ZSWIM6: variants seen among roughly 807,000 people sequenced by gnomAD.
ZSWIM6 encodes zinc finger SWIM domain-containing protein 6.
In ZSWIM6, 9 loss-of-function variants were observed where a neutral mutation model predicts 113.2. That is an observed-to-expected ratio of 0.08 (90% CI 0.05 to 0.14). The LOEUF (loss-of-function observed/expected upper bound fraction) is 0.14. Ranked by LOEUF, ZSWIM6 falls within the 10% of genes least tolerant of loss-of-function variation. ZSWIM6 has a pLI of 1.00. For missense variants in ZSWIM6, 1,162 were observed against 1,552.2 expected (o/e 0.75, Z 4.22); for synonymous variants, 611 against 606.5 (o/e 1.01, Z -0.11).
At chr5:61,515,172 T>C (rs1293920264) in intron 4 of ZSWIM6, among the ~76,000 whole-genome samples, 1 of 152,156 alleles carries the variant, frequency 6.6e-6, no homozygotes, top group African/African-American at 2.4e-5. Flanking sequence ...CTTAGGATCC[T>C]TTTAGTATCT....
In ZSWIM6 at chr5:61,454,214, A is replaced by AATTTTATTTTATTTTATTTT. The variant is rs140502029; in HGVS notation, c.677-18426_677-18407dup. ...TCTTTCAGATTGGGAGAGTTCCCTAAATTTTATTTTATTTTATTTTATTTT... is the reference window on the plus strand; with the variant it reads ...TCTTTCAGATTGGGAGAGTTCCCTAAATTTTATTTTATTTTATTTTATTTTATTTTATTTTATTTTATTTT... On this transcript the variant is annotated intron_variant, in intron 1 of 13. Transcript: ENST00000252744. Among the ~76,000 whole-genome samples the AATTTTATTTTATTTTATTTT allele has an allele frequency of 4.6e-3, 585 of 128,492 alleles. 12 individuals are homozygous for AATTTTATTTTATTTTATTTT. The highest frequency in any genetic ancestry group is 0.029 in the East Asian group (123 of 4,238). 84.3% of individuals were successfully genotyped at this position (128,492 alleles called of 152,430 possible).
chr5:61,417,705 CT>C (rs1561229369), intron 1 of ZSWIM6, among the ~76,000 whole-genome samples: 1 of 152,194 alleles, frequency 6.6e-6, no homozygotes, highest in Non-Finnish European at 1.5e-5. Flanking sequence ...CAGTTAAGGA[CT>C]TTTGTTTTGA....
intron 1 of ZSWIM6, among the ~76,000 whole-genome samples, chr5:61,388,324 A>G (rs1022665123): frequency 6.6e-5 from 10 of 152,256 alleles, no homozygotes; most frequent in East Asian, 1.9e-4. Context: ...GTAAAAGTCT[A>G]TACTCTAGAA....
At chr5:61,339,213 C>T (rs1031118539) in intron 1 of ZSWIM6, among the ~76,000 whole-genome samples, 22 of 152,138 alleles carry the variant, frequency 1.4e-4, no homozygotes, top group Admixed American at 1.4e-3. Flanking sequence ...ATGAGACCAG[C>T]CTGGGCAACA....
chr5:61,526,633 G>T (rs1311389469), intron 7 of ZSWIM6, among the ~76,000 whole-genome samples: 1 of 152,018 alleles, frequency 6.6e-6, no homozygotes, highest in Non-Finnish European at 1.5e-5. Context: ...TTTTAAGGGG[G>T]ATAATTTTCT....
intron 4 of ZSWIM6, among the ~76,000 whole-genome samples, chr5:61,512,585 G>A (rs1372657698): frequency 6.6e-6 from 1 of 152,126 alleles, no homozygotes; most frequent in East Asian, 1.9e-4. Context: ...TCTTCAAACA[G>A]CAATTTATGA....
chr5:61,437,954 G>T (rs1433957172), intron 1 of ZSWIM6, among the ~76,000 whole-genome samples: 1 of 151,672 alleles, frequency 6.6e-6, no homozygotes, highest in African/African-American at 2.4e-5. Flanking sequence ...TATCACTTAG[G>T]TTTGATTAGT....
intron 1 of ZSWIM6, among the ~76,000 whole-genome samples, chr5:61,409,094 TCCCG>T (rs1561226193): frequency 4.4e-3 from 507 of 115,074 alleles, no homozygotes; most frequent in African/African-American, 7.9e-3. Flanking sequence ...TTTTTTTTTT[TCCCG>T]TTTTTGAAAT....
At chr5:61,504,621 C>A (rs563277533) in intron 4 of ZSWIM6, among the ~76,000 whole-genome samples, 4 of 152,276 alleles carry the variant, frequency 2.6e-5, no homozygotes, top group Admixed American at 2.0e-4. Flanking sequence ...AGAATTCTTA[C>A]ACAAGTATAG....
chr5:61,483,811 A>G (rs1747943537), intron 2 of ZSWIM6, among the ~76,000 whole-genome samples: 1 of 151,640 alleles, frequency 6.6e-6, no homozygotes, highest in Non-Finnish European at 1.5e-5. Context: ...CAGGAGGCAG[A>G]GCTTGCAGTG....
intron 1 of ZSWIM6, among the ~76,000 whole-genome samples, chr5:61,408,451 C>A (rs1452414551): frequency 6.6e-6 from 1 of 152,270 alleles, no homozygotes; most frequent in South Asian, 2.1e-4. Context: ...GTTTTAATTT[C>A]TTTGCTTGAA....
intron 7 of ZSWIM6, among the ~76,000 whole-genome samples, chr5:61,529,449 T>C (rs1749373456): frequency 6.6e-6 from 1 of 152,222 alleles, no homozygotes; most frequent in Non-Finnish European, 1.5e-5. Flanking sequence ...TTAAATGGCT[T>C]ACAGATTCAC....
At chr5:61,506,946 G>A (rs1301976131) in intron 4 of ZSWIM6, among the ~76,000 whole-genome samples, 2 of 152,142 alleles carry the variant, frequency 1.3e-5, no homozygotes, top group African/African-American at 4.8e-5. Flanking sequence ...ACTTCATAAT[G>A]ATAAACATAA....
intron 1 of ZSWIM6, among the ~76,000 whole-genome samples, chr5:61,333,257 G>A (rs1046802779): frequency 6.6e-5 from 10 of 151,940 alleles, no homozygotes; most frequent in Non-Finnish European, 1.2e-4. Context: ...ATCCTGGAGG[G>A]CTGTTCGCCG....
intron 1 of ZSWIM6, among the ~76,000 whole-genome samples, chr5:61,455,289 G>C (rs1747180900): frequency 6.6e-6 from 1 of 151,974 alleles, no homozygotes; most frequent in African/African-American, 2.4e-5. Context: ...ACTTGAAAAA[G>C]TCCATTCATT....
At chr5:61,383,525 A>G (rs1579966357) in intron 1 of ZSWIM6, among the ~76,000 whole-genome samples, 1 of 152,206 alleles carries the variant, frequency 6.6e-6, no homozygotes, top group Non-Finnish European at 1.5e-5. Flanking sequence ...GTACCTACTG[A>G]TGTAGAAGAA....
At chr5:61,479,360 A>C (rs2112195979) in intron 2 of ZSWIM6, among the ~76,000 whole-genome samples, 2 of 152,178 alleles carry the variant, frequency 1.3e-5, no homozygotes, top group Admixed American at 1.3e-4. Context: ...CCCATGAGGA[A>C]TTTGTTGGGG....
At chr5:61,346,540 T>G (rs1384463521) in intron 1 of ZSWIM6, among the ~76,000 whole-genome samples, 3 of 152,214 alleles carry the variant, frequency 2.0e-5, no homozygotes, top group Non-Finnish European at 1.5e-5. Flanking sequence ...TGTTAGTGGG[T>G]AAGAGACTAC....
chr5:61,375,225 G>A (rs1483719833), intron 1 of ZSWIM6: 146 of 1,612,976 alleles, frequency 9.1e-5, no homozygotes, highest in Non-Finnish European at 1.2e-4. Context: ...ATCGACCAAG[G>A]CCTACCTGGG....
Sources: gnomAD v4.1 joint callset for allele counts (sites outside exome capture counted in the v4.1 genomes callset) on GRCh38, gnomAD v4.1.1 for gene constraint, MANE v1.5 for transcripts, NCBI Gene and HGNC (gene_info 2026-07-23, HGNC 2026-07-21) for gene names.